The following CAVIN4 variants were observed in gnomAD, a reference collection of about 807,000 sequenced individuals.
CAVIN4 encodes caveolae associated protein 4, also known as caveolae-associated protein 4.
A neutral mutation model predicts 18.6 loss-of-function variants in CAVIN4; 10 were observed. The observed-to-expected ratio is 0.54, with a 90% CI of 0.33 to 0.91. The LOEUF (loss-of-function observed/expected upper bound fraction) is 0.91. Among genes scored for constraint, CAVIN4 ranks in the 40% least tolerant of loss-of-function variants. The probability of loss-of-function intolerance (pLI) is 0.02; values close to 1 mark genes in which losing one functional copy is unlikely to be tolerated. For synonymous variants in CAVIN4, 173 were observed against 164.8 expected, an observed-to-expected ratio of 1.05 and a Z score of -0.38; for missense variants, 459 against 440.5, an observed-to-expected ratio of 1.04 and a Z score of -0.38.
upstream of CAVIN4, chr9:100,578,069 T>C: frequency 6.6e-7 from 1 of 1,512,686 alleles, no homozygotes; most frequent in Non-Finnish European, 9.1e-7. Flanking sequence ...CTGTTGCCTG[T>C]TATCAAGCTG....
rs1209205232 is a variant in CAVIN4 at position 100,588,130 on chromosome 9, A to G, written c.*1679A>G. ...ACACAGGCATACATAAATCGGCTTTAAAATATTTGACTCAGTTACTCAGAT... is the reference window on the plus strand; with the variant it reads ...ACACAGGCATACATAAATCGGCTTTGAAATATTTGACTCAGTTACTCAGAT... On this transcript the variant is annotated 3_prime_UTR_variant, in exon 2 of 2. Transcript: ENST00000307584. Among the ~76,000 whole-genome samples, 1 of 152,230 alleles carries G rather than the reference A, an allele frequency of 6.6e-6. No homozygotes were observed. The highest frequency in any genetic ancestry group is 1.5e-5 in the Non-Finnish European group (1 of 68,036).
In CAVIN4 at chr9:100,578,182, C is replaced by T. The variant is rs774990423; in HGVS notation, c.39C>T (p.Ile13=). 4 of 1,613,926 alleles carry T rather than the reference C, an allele frequency of 2.5e-6. No homozygotes were observed. The highest frequency in any genetic ancestry group is 3.4e-6 in the Non-Finnish European group (4 of 1,179,880). The change falls in exon 1 of 2, where the codon ATC becomes ATT. Residue 13 remains isoleucine (I), a synonymous_variant. Transcript: ENST00000307584. ...GGTCTGCTTCAAATGCTGATAAAAT[C>T]CACCAGAATCGCCTGTCGAGTGTTA... ...HNGSASNADK[I]HQNRLSSVTE...
At position 100,586,026 on chromosome 9, in the gene CAVIN4, A is replaced by G; in HGVS notation, c.670A>G (p.Arg224Gly). 1 of 1,614,246 alleles carries G rather than the reference A, an allele frequency of 6.2e-7. No individual in the cohort carries two copies. The highest frequency in any genetic ancestry group is 8.5e-7 in the Non-Finnish European group (1 of 1,180,026). The change falls in exon 2 of 2, where the codon AGA becomes GGA. Residue 224 changes from arginine (R) to glycine (G), a missense_variant. Arg to Gly is a moderately radical substitution (Grantham distance 125). Coordinates refer to ENST00000307584, the MANE Select transcript of CAVIN4 (RefSeq NM_001018116.2). ...LDKKVNRIRT[R>G]IVTPERRERL... ...CAAGAAAGTGAACAGAATTAGAACT[A>G]GAATAGTGACCCCGGAGAGGAGAGA...
Position 100,588,213 on chromosome 9 carries a change from G to T in CAVIN4, c.*1762G>T, listed in dbSNP as rs1436440941. On this transcript the variant is annotated 3_prime_UTR_variant, in exon 2 of 2. Coordinates refer to ENST00000307584, the MANE Select transcript of CAVIN4 (RefSeq NM_001018116.2). Reference sequence around the variant, plus strand: ...TCCTCTTCACCTTGCATGAATACATGAAATCATAATATCGTTCATGTTGTT... The same window carrying T: ...TCCTCTTCACCTTGCATGAATACATTAAATCATAATATCGTTCATGTTGTT... 6.6e-6 allele frequency among the ~76,000 whole-genome samples: 1 copy of T among 152,186 alleles called. No homozygotes were observed. The highest frequency in any genetic ancestry group is 1.9e-4 in the East Asian group (1 of 5,194).
rs1202586209 is a variant in CAVIN4 at position 100,588,329 on chromosome 9, G to C, written c.*1878G>C. 6.6e-6 allele frequency among the ~76,000 whole-genome samples: 1 copy of C among 152,164 alleles called. No individual in the cohort carries two copies. The highest frequency in any genetic ancestry group is 2.4e-5 in the African/African-American group (1 of 41,448). On this transcript the variant is annotated 3_prime_UTR_variant, in exon 2 of 2. Transcript: ENST00000307584. ...AAATGTTTTTATGACATTTTGGAAAGATCTTGGGTGCCTAATCACATATTT... is the reference window on the plus strand; with the variant it reads ...AAATGTTTTTATGACATTTTGGAAACATCTTGGGTGCCTAATCACATATTT...
At chr9:100,578,607 G>A (rs1327967331) in intron 1 of CAVIN4, 56 bp downstream of exon 1, 7 of 1,557,438 alleles carry the variant, frequency 4.5e-6, no homozygotes, top group East Asian at 2.2e-5. Context: ...TCTTTTAATT[G>A]CCAAAAGTCA....
chr9:100,583,278 T>TCCCCTCCAGTCTCTTCCTCCTGCTGTCTC (rs1839445957), intron 1 of CAVIN4, among the ~76,000 whole-genome samples: 1 of 152,090 alleles, frequency 6.6e-6, no homozygotes, highest in Non-Finnish European at 1.5e-5. Context: ...ATCCCATCCT[T>TCCCCTCCAGTCTCTTCCTCCTGCTGTCTC]CCCCTCCAGT....
chr9:100,579,393 T>C (rs1005179800), intron 1 of CAVIN4, among the ~76,000 whole-genome samples: 1 of 152,212 alleles, frequency 6.6e-6, no homozygotes, highest in Non-Finnish European at 1.5e-5. Context: ...AAACTGTCAT[T>C]ATCAGGCAGT....
At position 100,578,301 on chromosome 9, in the gene CAVIN4, G is replaced by T. The variant is rs1247178831; in HGVS notation, c.158G>T (p.Arg53Ile). The change falls in exon 1 of 2, where the codon AGA (arginine) becomes ATA (isoleucine). Residue 53 changes from arginine to isoleucine, a missense_variant. Arg to Ile is a moderately conservative substitution (Grantham distance 97, BLOSUM62 -3). Transcript: ENST00000307584. ...IVDSVQASQK[R>I]IEERHREMEN... ...GACAGTGTGCAGGCAAGCCAGAAGA[G>T]AATAGAAGAGAGACACAGGGAAATG... The T allele has an allele frequency of 3.1e-6, 5 of 1,614,070 alleles. No individual in the cohort carries two copies. The highest frequency in any genetic ancestry group is 1.3e-5 in the African/African-American group (1 of 75,032).
At position 100,585,774 on chromosome 9, in the gene CAVIN4, C is replaced by A; in HGVS notation, c.418C>A (p.Arg140=). Reference sequence around the variant, plus strand: ...TTTTTCTCTCCTTCAGGAGAAGTTTCGGTGTCCGACATCCCTGTCTGTTGT... The same window carrying A: ...TTTTTCTCTCCTTCAGGAGAAGTTTAGGTGTCCGACATCCCTGTCTGTTGT... ...FRVVIFQEKF[R]CPTSLSVVKD... Residue 140 remains arginine, a synonymous_variant, in exon 2 of 2, where the codon CGG becomes AGG. Transcript: ENST00000307584. The A allele has an allele frequency of 6.2e-7, 1 of 1,613,828 alleles. No individual in the cohort carries two copies. The highest frequency in any genetic ancestry group is 8.5e-7 in the Non-Finnish European group (1 of 1,179,846).
intron 1 of CAVIN4, among the ~76,000 whole-genome samples, chr9:100,584,104 T>C (rs564885352): frequency 1.3e-5 from 2 of 152,276 alleles, no homozygotes; most frequent in African/African-American, 2.4e-5. Flanking sequence ...CCCCACTGTT[T>C]CTCTGTTCTT....
At chr9:100,579,948 G>T (rs926173596) in intron 1 of CAVIN4, among the ~76,000 whole-genome samples, 1 of 152,094 alleles carries the variant, frequency 6.6e-6, no homozygotes, top group African/African-American at 2.4e-5. Context: ...AGAGCCTGTA[G>T]GTTATTTAGG....
At chr9:100,585,480 C>T (rs1292447010) in intron 1 of CAVIN4, among the ~76,000 whole-genome samples, 1 of 152,142 alleles carries the variant, frequency 6.6e-6, no homozygotes, top group African/African-American at 2.4e-5. Flanking sequence ...ATCATTCACA[C>T]ATGTGTCTTC....
chr9:100,578,114 T>A lies in CAVIN4; in HGVS notation c.-30T>A, dbSNP rs749071574. 1.2e-6 allele frequency: 2 copies of A among 1,611,790 alleles called. No homozygotes were observed. Among genetic ancestry groups the A allele is most frequent in the South Asian group, 2.2e-5 (2 of 90,618 alleles). On this transcript the variant is annotated 5_prime_UTR_variant, in exon 1 of 2. Transcript: ENST00000307584. ...TCCAAGTGCCAGAATTGATTGTGGT[T>A]AGGACATCTTACGCTGAGAAATAAA...
chr9:100,578,567 T>C lies in CAVIN4; in HGVS notation c.408+16T>C. ...AATATTCCAGGTAAGCTTGCACTTG[T>C]GTTCAGCTTGCTTGTTCTAATCTCT... On this transcript the variant is annotated intron_variant, in intron 1 of 1. Transcript: ENST00000307584. 1 of 1,612,288 alleles carries C rather than the reference T, an allele frequency of 6.2e-7. No homozygotes were observed. Among genetic ancestry groups the C allele is most frequent in the Non-Finnish European group, 8.5e-7 (1 of 1,179,600 alleles).
intron 1 of CAVIN4, among the ~76,000 whole-genome samples, chr9:100,579,464 A>T (rs1262934234): frequency 6.6e-6 from 1 of 152,242 alleles, no homozygotes; most frequent in Non-Finnish European, 1.5e-5. Flanking sequence ...GGCAGTTATT[A>T]AAACCTATAC....
intron 1 of CAVIN4, among the ~76,000 whole-genome samples, chr9:100,585,482 T>G (rs911419527): frequency 6.6e-6 from 1 of 152,018 alleles, no homozygotes; most frequent in African/African-American, 2.4e-5. Context: ...CATTCACACA[T>G]GTGTCTTCAT....
At chr9:100,585,665 A>G in intron 1 of CAVIN4, 100 bp from the exon 2 acceptor site, 1 of 906,632 alleles carries the variant, frequency 1.1e-6, no homozygotes. Flanking sequence ...GGCAGAGGAT[A>G]AACAGCCCAT....
chr9:100,582,079 A>G (rs1294684845), intron 1 of CAVIN4, among the ~76,000 whole-genome samples: 1 of 152,218 alleles, frequency 6.6e-6, no homozygotes, highest in East Asian at 1.9e-4. Flanking sequence ...ATATATTTAT[A>G]TATTTTTTGA....
Sources: allele counts gnomAD v4.1 joint callset (sites outside exome capture counted in the v4.1 genomes callset), GRCh38; gene constraint gnomAD v4.1.1; transcripts MANE v1.5; gene names NCBI Gene and HGNC (gene_info 2026-07-23, HGNC 2026-07-21).